The following ERICH1 variants were observed in gnomAD, a reference collection of about 807,000 sequenced individuals.
ERICH1 encodes the protein glutamate-rich protein 1.
In ERICH1, 56 loss-of-function variants were observed where a neutral mutation model predicts 39.6. The ratio of observed to expected loss-of-function variants is 1.41; its 90% CI spans 1.14 to 1.77. The LOEUF (loss-of-function observed/expected upper bound fraction) is 1.77, where lower values mean the gene tolerates loss of function less well. Ranked by LOEUF, ERICH1 falls within the 40% of genes most tolerant of loss-of-function variation. The probability of loss-of-function intolerance (pLI) is 0.00; values close to 1 mark genes in which losing one functional copy is unlikely to be tolerated. For missense variants in ERICH1, 826 were observed against 575.4 expected (o/e 1.44, Z -4.45); for synonymous variants, 313 against 223.6 (o/e 1.40, Z -3.57).
At chr8:638,365 A>G (rs777080750) in intron 3 of ERICH1, among the ~76,000 whole-genome samples, 3 of 152,180 alleles carry the variant, frequency 2.0e-5, no homozygotes, top group Non-Finnish European at 2.9e-5. Flanking sequence ...AGCACGGGCC[A>G]TGTTCTTCGG....
At chr8:626,554 CTG>C (rs1797603367) in intron 3 of ERICH1, 1 of 155,812 alleles carries the variant, frequency 6.4e-6, no homozygotes, top group Non-Finnish European at 1.4e-5. Flanking sequence ...GGGACAAAAA[CTG>C]AACACAGTTC....
intron 2 of ERICH1, among the ~76,000 whole-genome samples, chr8:701,790 G>A (rs184385667): frequency 2.6e-5 from 4 of 152,208 alleles, no homozygotes; most frequent in Admixed American, 1.3e-4. Context: ...AGACACTGAC[G>A]TTTTTAAAAA....
At chr8:686,274 T>C (rs927368313) in intron 3 of ERICH1, among the ~76,000 whole-genome samples, 3 of 152,206 alleles carry the variant, frequency 2.0e-5, no homozygotes, top group Non-Finnish European at 4.4e-5. Context: ...TGTAACACAT[T>C]CACTTCAAGC....
intron 2 of ERICH1, among the ~76,000 whole-genome samples, chr8:715,590 C>A (rs1038111374): frequency 3.3e-5 from 5 of 152,204 alleles, no homozygotes; most frequent in African/African-American, 1.2e-4. Context: ...CTGGCCCAAG[C>A]CCCAGTTTCA....
chr8:680,755 T>C (rs11987001), intron 3 of ERICH1, among the ~76,000 whole-genome samples: 140,721 of 152,306 alleles, frequency 0.92, 65,118 homozygotes, highest in African/African-American at 0.96. Flanking sequence ...GAAAAAGGAA[T>C]GTGCCACCAA....
intron 3 of ERICH1, among the ~76,000 whole-genome samples, chr8:642,375 C>G (rs1346704306): frequency 1.6e-5 from 2 of 128,390 alleles, no homozygotes; most frequent in Non-Finnish European, 1.6e-5. Flanking sequence ...GACAGAGTCT[C>G]GCTCTGTCGC....
intron 1 of ERICH1, among the ~76,000 whole-genome samples, chr8:722,278 A>G (rs1290990494): frequency 6.6e-6 from 1 of 152,078 alleles, no homozygotes; most frequent in Non-Finnish European, 1.5e-5. Flanking sequence ...AGGCCAAGCA[A>G]TCAGCACCGA....
intron 3 of ERICH1, among the ~76,000 whole-genome samples, chr8:620,981 C>A (rs184199149): frequency 6.6e-6 from 1 of 152,318 alleles, no homozygotes; most frequent in East Asian, 1.9e-4. Context: ...CTCAAGTACA[C>A]ATAAAACGTT....
chr8:677,455 G>A (rs1018380266), intron 3 of ERICH1, among the ~76,000 whole-genome samples: 1 of 152,166 alleles, frequency 6.6e-6, no homozygotes, highest in Non-Finnish European at 1.5e-5. Flanking sequence ...AGATGAAGCC[G>A]CCAAGCCTGA....
chr8:662,562 C>T (rs369478513), downstream of ERICH1, among the ~76,000 whole-genome samples: 14 of 152,214 alleles, frequency 9.2e-5, no homozygotes, highest in African/African-American at 2.2e-4. Flanking sequence ...GCTGGAGAAT[C>T]GCTTGAACCT....
intron 3 of ERICH1, among the ~76,000 whole-genome samples, chr8:616,941 AGG>A (rs1275071714): frequency 0.063 from 3,157 of 50,038 alleles, 910 homozygotes; most frequent in East Asian, 0.3. Context: ...AGAGAGAGAG[AGG>A]GAGAGGGAGA....
chr8:615,482 G>C, intron 3 of ERICH1: 1 of 469,814 alleles, frequency 2.1e-6, no homozygotes. Flanking sequence ...TCATCTCTAC[G>C]AGGCCTGGGT....
At chr8:624,590 G>T (rs1447729690) in intron 3 of ERICH1, among the ~76,000 whole-genome samples, 2 of 152,344 alleles carry the variant, frequency 1.3e-5, no homozygotes, top group African/African-American at 4.8e-5. Flanking sequence ...AGGAAGCATG[G>T]CTGGGGAGGT....
chr8:675,183 C>CG (rs760277703), intron 3 of ERICH1, among the ~76,000 whole-genome samples: 545 of 30,070 alleles, frequency 0.018, 40 homozygotes, highest in Admixed American at 0.037. Context: ...GGCGGCCCCT[C>CG]GTGAGGACAG....
chr8:651,631 G>C (rs980823714), intron 3 of ERICH1, among the ~76,000 whole-genome samples: 1 of 151,942 alleles, frequency 6.6e-6, no homozygotes, highest in East Asian at 1.9e-4. Flanking sequence ...AGAGAGAGCT[G>C]GTGGGCAGGG....
chr8:642,794 T>C (rs1799166872), intron 3 of ERICH1, among the ~76,000 whole-genome samples: 1 of 152,060 alleles, frequency 6.6e-6, no homozygotes, highest in Non-Finnish European at 1.5e-5. Flanking sequence ...AGTGAGCCGA[T>C]GTGTGCCGCA....
At chr8:673,220 ATATTT>A in intron 4 of ERICH1, 64 bp downstream of exon 4, 3 of 1,480,668 alleles carry the variant, frequency 2.0e-6, no homozygotes, top group East Asian at 2.3e-5. Flanking sequence ...TTTAAGCATT[ATATTT>A]GTTTCTTTTA....
chr8:655,174 G>A (rs181911330), intron 3 of ERICH1, among the ~76,000 whole-genome samples: 14 of 152,322 alleles, frequency 9.2e-5, no homozygotes, highest in Admixed American at 4.6e-4. Flanking sequence ...AAGAGCAGCC[G>A]CGTTTGATTT....
intron 3 of ERICH1, among the ~76,000 whole-genome samples, chr8:634,580 G>C (rs1023688431): frequency 1.2e-4 from 19 of 152,198 alleles, no homozygotes; most frequent in African/African-American, 4.3e-4. Context: ...GCTCACTCCA[G>C]CTCTAAGCAC....
Sources: gnomAD v4.1 joint callset for allele counts (sites outside exome capture counted in the v4.1 genomes callset) on GRCh38, gnomAD v4.1.1 for gene constraint, MANE v1.5 for transcripts, NCBI Gene and HGNC (gene_info 2026-07-23, HGNC 2026-07-21) for gene names.